The following ARAP2 variants were observed in gnomAD, a reference collection of about 807,000 sequenced individuals.
ARAP2 encodes the protein arf-GAP with Rho-GAP domain, ANK repeat and PH domain-containing protein 2.
ARAP2 carries 148 observed loss-of-function variants against 194.5 expected under a neutral mutation model. The observed-to-expected ratio is 0.76, with a 90% CI of 0.67 to 0.87. The LOEUF (loss-of-function observed/expected upper bound fraction) is 0.87, where lower values mean the gene tolerates loss of function less well. ARAP2 is among the 40% of genes least tolerant of loss of function. The pLI is 0.00. For synonymous variants in ARAP2, 695 were observed against 683.5 expected (o/e 1.02, Z -0.26); for missense variants, 2,128 against 1,989.7 (o/e 1.07, Z -1.32).
chr4:36,106,965 TTAAG>T (rs1261025625), intron 27 of ARAP2, among the ~76,000 whole-genome samples: 6 of 151,942 alleles, frequency 3.9e-5, no homozygotes, highest in African/African-American at 1.4e-4. Flanking sequence ...AGAAGAATAA[TTAAG>T]TTTCAAAATA....
chr4:36,187,609 C>T (rs370237264), intron 7 of ARAP2, 38 bp from the exon 8 acceptor site: 16 of 1,499,148 alleles, frequency 1.1e-5, no homozygotes, highest in Middle Eastern at 1.8e-4. Context: ...CATATGAAAA[C>T]GAAATTCTCT....
chr4:36,189,243 CT>C (rs1289376026), intron 7 of ARAP2, among the ~76,000 whole-genome samples: 1 of 152,086 alleles, frequency 6.6e-6, no homozygotes, highest in Non-Finnish European at 1.5e-5. Flanking sequence ...TCCTTTTCCA[CT>C]ATTTTTTTTT....
intron 26 of ARAP2, among the ~76,000 whole-genome samples, chr4:36,110,150 C>T (rs956372773): frequency 1.3e-5 from 2 of 151,776 alleles, no homozygotes; most frequent in African/African-American, 4.8e-5. Flanking sequence ...CTTTAAAGCC[C>T]AAAATCTTAA....
chr4:36,211,818 C>A (rs1454420408), intron 5 of ARAP2, among the ~76,000 whole-genome samples: 1 of 152,010 alleles, frequency 6.6e-6, no homozygotes, highest in Non-Finnish European at 1.5e-5. Context: ...GAAATATATA[C>A]ATCTACTATG....
intron 17 of ARAP2, 48 bp downstream of exon 17, chr4:36,148,357 G>T: frequency 7.0e-7 from 1 of 1,437,906 alleles, no homozygotes; most frequent in Non-Finnish European, 9.7e-7. Context: ...CAGACTCCCA[G>T]TTCACAATCT....
intron 19 of ARAP2, among the ~76,000 whole-genome samples, chr4:36,136,531 T>G (rs1264310404): frequency 6.6e-6 from 1 of 151,676 alleles, no homozygotes; most frequent in African/African-American, 2.4e-5. Context: ...GAACCAGAAG[T>G]GCCTTCACAA....
chr4:36,005,725 A>G (rs1219517297), intron 10 of ARAP2: 1 of 152,204 alleles, frequency 6.6e-6, no homozygotes, highest in East Asian at 1.9e-4. Context: ...TGTCTTTCAC[A>G]TAGCCCTTAA....
In ARAP2 at chr4:36,210,755, A is replaced by G. The variant is rs780859702; in HGVS notation, c.1134-12T>C. The G allele has an allele frequency of 5.1e-5, 79 of 1,535,600 alleles. No homozygotes were observed. The highest frequency in any genetic ancestry group is 6.8e-5 in the Non-Finnish European group (78 of 1,140,782). ...TGTTATCGTATATGCTAAACGGAAAAATGATGTAAACATTTCAAAGTGCTA... is the reference window on the plus strand; with the variant it reads ...TGTTATCGTATATGCTAAACGGAAAGATGATGTAAACATTTCAAAGTGCTA... On this transcript the variant is annotated splice_polypyrimidine_tract_variant and intron_variant, in intron 5 of 32. Transcript: ENST00000303965.
intron 32 of ARAP2, among the ~76,000 whole-genome samples, chr4:36,073,061 G>A (rs1327063731): frequency 6.6e-6 from 1 of 152,136 alleles, no homozygotes; most frequent in African/African-American, 2.4e-5. Flanking sequence ...TGAAATATGT[G>A]TTGGTCCCAA....
chr4:36,074,895 A>G (rs748837678), intron 31 of ARAP2, among the ~76,000 whole-genome samples: 16 of 152,112 alleles, frequency 1.1e-4, no homozygotes, highest in Non-Finnish European at 2.1e-4. Context: ...ATGTTTATCA[A>G]TGTACATATA....
chr4:36,081,777 G>A (rs541961898), intron 30 of ARAP2, among the ~76,000 whole-genome samples: 12 of 152,054 alleles, frequency 7.9e-5, no homozygotes, highest in East Asian at 7.7e-4. Context: ...GGCAGATCTC[G>A]TGTGGCTCAG....
intron 2 of ARAP2, among the ~76,000 whole-genome samples, chr4:36,216,262 T>C (rs930541340): frequency 1.3e-5 from 2 of 151,726 alleles, no homozygotes; most frequent in South Asian, 2.1e-4. Context: ...TCTCAAAAAA[T>C]AAATAAAATA....
intron 30 of ARAP2, among the ~76,000 whole-genome samples, 188 bp downstream of exon 30, chr4:36,082,063 A>G (rs1577790975): frequency 6.6e-6 from 1 of 152,132 alleles, no homozygotes; most frequent in African/African-American, 2.4e-5. Context: ...CAAATAGGAT[A>G]CATGGGACTT....
chr4:36,078,310 C>T (rs1035348611), intron 31 of ARAP2, among the ~76,000 whole-genome samples: 55 of 151,980 alleles, frequency 3.6e-4, no homozygotes, highest in African/African-American at 1.3e-3. Context: ...TCTAAGTCAT[C>T]TGAAGGTCAG....
At chr4:36,180,091 G>A (rs1360966788) in intron 8 of ARAP2, among the ~76,000 whole-genome samples, 3 of 152,054 alleles carry the variant, frequency 2.0e-5, no homozygotes, top group African/African-American at 7.2e-5. Flanking sequence ...TGGCCAACAT[G>A]GTGACACCCG....
At chr4:36,230,459 T>G (rs1751225838) in intron 1 of ARAP2, among the ~76,000 whole-genome samples, 1 of 152,226 alleles carries the variant, frequency 6.6e-6, no homozygotes, top group Admixed American at 6.5e-5. Flanking sequence ...GATATGACAC[T>G]GAATAATCAG....
chr4:36,157,981 T>C (rs1001604253), intron 15 of ARAP2, among the ~76,000 whole-genome samples: 28 of 152,126 alleles, frequency 1.8e-4, no homozygotes, highest in African/African-American at 6.5e-4. Context: ...CCACCATCAA[T>C]TGGCATGTAC....
chr4:36,238,586 C>A (rs1009845253), intron 1 of ARAP2, among the ~76,000 whole-genome samples: 4 of 152,170 alleles, frequency 2.6e-5, no homozygotes, highest in African/African-American at 9.7e-5. Context: ...TAGGGAAATG[C>A]TGTTTAAATA....
chr4:36,075,001 C>T (rs891262982), intron 31 of ARAP2, among the ~76,000 whole-genome samples: 2 of 152,062 alleles, frequency 1.3e-5, no homozygotes, highest in African/African-American at 4.8e-5. Flanking sequence ...CTTAGTTCCG[C>T]AAATCTATAA....
Sources: gnomAD v4.1 joint callset for allele counts (sites outside exome capture counted in the v4.1 genomes callset) on GRCh38, gnomAD v4.1.1 for gene constraint, MANE v1.5 for transcripts, NCBI Gene and HGNC (gene_info 2026-07-23, HGNC 2026-07-21) for gene names.